The following POC1B variants were observed in gnomAD, a reference collection of about 807,000 sequenced individuals.
POC1B encodes POC1 centriolar protein homolog B.
A neutral mutation model predicts 60.6 loss-of-function variants in POC1B; 44 were observed. That is an observed-to-expected ratio of 0.73 (90% confidence interval 0.57 to 0.93). The LOEUF is 0.93. Ranked by LOEUF, POC1B falls within the 40% of genes least tolerant of loss-of-function variation. The probability of loss-of-function intolerance (pLI) is 0.00; values close to 1 mark genes in which losing one functional copy is unlikely to be tolerated. For synonymous variants in POC1B, 180 were observed against 198.9 expected (o/e 0.90, Z 0.80); for missense variants, 555 against 572.3 (o/e 0.97, Z 0.31).
chr12:89,489,982 G>A (rs1868866946), intron 4 of POC1B, among the ~76,000 whole-genome samples: 3 of 152,208 alleles, frequency 2.0e-5, no homozygotes, highest in South Asian at 4.1e-4. Context: ...GGAGCTGGGA[G>A]TAAAGAAGCT....
chr12:89,464,968 G>A (rs1181144887), intron 9 of POC1B, among the ~76,000 whole-genome samples: 1 of 152,050 alleles, frequency 6.6e-6, no homozygotes, highest in African/African-American at 2.4e-5. Context: ...AATTTAAACT[G>A]TGTACACAGA....
At chr12:89,487,222 T>C (rs1868685848) in intron 4 of POC1B, among the ~76,000 whole-genome samples, 1 of 152,124 alleles carries the variant, frequency 6.6e-6, no homozygotes, top group Non-Finnish European at 1.5e-5. Context: ...GACTGTCCGC[T>C]CTGGAACTGG....
intron 2 of POC1B, among the ~76,000 whole-genome samples, chr12:89,507,406 G>A (rs1869960693): frequency 1.3e-5 from 2 of 151,074 alleles, no homozygotes. Context: ...GGTTATTGAT[G>A]TCAGTGTTGT....
chr12:89,503,792 C>T (rs1869738720), intron 2 of POC1B, among the ~76,000 whole-genome samples: 1 of 140,556 alleles, frequency 7.1e-6, no homozygotes, highest in East Asian at 2.2e-4. Flanking sequence ...GTGAGGAGCC[C>T]CTCCGCCCGG....
At chr12:89,525,492 C>T in intron 1 of POC1B, 7 of 1,321,040 alleles carry the variant, frequency 5.3e-6, no homozygotes, top group Non-Finnish European at 5.8e-6. Flanking sequence ...ATGCACGTTC[C>T]CGGGCCCCGC....
intron 3 of POC1B, among the ~76,000 whole-genome samples, chr12:89,495,593 A>T (rs1182980431): frequency 2.0e-5 from 3 of 152,148 alleles, no homozygotes; most frequent in African/African-American, 7.2e-5. Flanking sequence ...TCAAGGAAAT[A>T]CTCAAATTCT....
At chr12:89,484,003 G>A (rs993423195) in intron 4 of POC1B, among the ~76,000 whole-genome samples, 1 of 152,196 alleles carries the variant, frequency 6.6e-6, no homozygotes, top group Non-Finnish European at 1.5e-5. Flanking sequence ...AAATGGTCAA[G>A]AAGTAAATGG....
chr12:89,432,334 C>T lies in POC1B; in HGVS notation c.1114-6955G>A, dbSNP rs189924326. On this transcript the variant is annotated intron_variant, in intron 10 of 11. Coordinates refer to ENST00000313546, the MANE Select transcript of POC1B (RefSeq NM_172240.3). ...CTGGGAGGTGGAGGTTGCAGTGAGCCCAGATCGAGCCACTGTACTTCCAGC... is the reference window on the plus strand; with the variant it reads ...CTGGGAGGTGGAGGTTGCAGTGAGCTCAGATCGAGCCACTGTACTTCCAGC... Among the ~76,000 whole-genome samples the T allele has an allele frequency of 5.6e-4, 76 of 136,314 alleles. No individual in the cohort carries two copies. The East Asian group carries it at 0.013, about 24-fold the overall frequency. The allele number at this position is 136,314 out of a possible 152,430, so 89.4% of individuals were successfully genotyped here.
chr12:89,426,975 C>T (rs1158140923), intron 10 of POC1B: 2 of 152,070 alleles, frequency 1.3e-5, no homozygotes, highest in Non-Finnish European at 2.9e-5. Flanking sequence ...CAATACTCCC[C>T]ACATTGATAT....
intron 2 of POC1B, chr12:89,524,329 A>G (rs372511877): frequency 5.8e-5 from 93 of 1,613,966 alleles, no homozygotes; most frequent in Non-Finnish European, 6.9e-5. Context: ...CCACTCCCCA[A>G]GTGCACGGGA....
At chr12:89,407,335 C>T in the POC1B span, among the ~76,000 whole-genome samples, 2 of 151,702 alleles carry the variant, frequency 1.3e-5, no homozygotes, top group South Asian at 2.1e-4. Context: ...CGGGTTCAAG[C>T]GATTCTTCTG....
In POC1B at chr12:89,525,909, G is replaced by A. The variant is rs1179395802; in HGVS notation, c.-14C>T. On this transcript the variant is annotated 5_prime_UTR_variant, in exon 1 of 12. Transcript: ENST00000313546. Reference sequence around the variant, plus strand: ...GGCTGAGGCCATCGGGGGAGTGGTCGGCCCAAGGCTCCTGTGGGTGGGGGA... The same window carrying A: ...GGCTGAGGCCATCGGGGGAGTGGTCAGCCCAAGGCTCCTGTGGGTGGGGGA... 3 of 1,486,024 alleles carry A rather than the reference G, an allele frequency of 2.0e-6. No individual in the cohort carries two copies. The highest frequency in any genetic ancestry group is 1.4e-5 in the African/African-American group (1 of 71,272). The allele number at this position is 1,486,024 out of a possible 1,614,324, so 92.1% of individuals were successfully genotyped here. A position where few individuals can be genotyped will look rare whatever the true frequency, so the allele number is the denominator to read the frequency against.
rs181901702 is a variant in POC1B at position 89,498,490 on chromosome 12, T to C, written c.101-1148A>G. ...TGTAATGTTATAAATTCGAACACAATTAGTATCACTGTTAGAGAAACATAG... is the reference window on the plus strand; with the variant it reads ...TGTAATGTTATAAATTCGAACACAACTAGTATCACTGTTAGAGAAACATAG... On this transcript the variant is annotated intron_variant, in intron 2 of 11. Coordinates refer to ENST00000313546, the MANE Select transcript of POC1B (RefSeq NM_172240.3). Among the ~76,000 whole-genome samples the C allele has an allele frequency of 4.2e-3, 638 of 152,288 alleles. 9 individuals carry two copies. Among genetic ancestry groups the C allele is most frequent in the African/African-American group, 0.014 (598 of 41,560 alleles).
chr12:89,524,486 A>T, intron 2 of POC1B: 1 of 1,613,326 alleles, frequency 6.2e-7, no homozygotes, highest in South Asian at 1.1e-5. Flanking sequence ...ACGAAGATAT[A>T]GGCCACTGTT....
At chr12:89,431,144 G>A (rs192416359) in intron 10 of POC1B, among the ~76,000 whole-genome samples, 2 of 152,018 alleles carry the variant, frequency 1.3e-5, no homozygotes, top group East Asian at 3.9e-4. Context: ...AAGATAATCA[G>A]TGACTTGAAC....
At chr12:89,504,924 A>C (rs1869824410) in intron 2 of POC1B, among the ~76,000 whole-genome samples, 3 of 152,134 alleles carry the variant, frequency 2.0e-5, no homozygotes, top group Admixed American at 2.0e-4. Context: ...GGGCAACATA[A>C]TGAGACTCCA....
intron 4 of POC1B, among the ~76,000 whole-genome samples, chr12:89,484,100 T>C (rs746492185): frequency 5.9e-5 from 9 of 152,328 alleles, no homozygotes; most frequent in Middle Eastern, 3.4e-3. Context: ...AGGATACATA[T>C]TGTAATCTCT....
chr12:89,440,073 C>G (rs1881448649), intron 10 of POC1B, among the ~76,000 whole-genome samples: 1 of 152,212 alleles, frequency 6.6e-6, no homozygotes, highest in South Asian at 2.1e-4. Flanking sequence ...CCAGCTCCTA[C>G]CTAGTGTCCG....
downstream of POC1B, among the ~76,000 whole-genome samples, chr12:89,416,094 T>C (rs1592785037): frequency 6.6e-6 from 1 of 152,230 alleles, no homozygotes; most frequent in East Asian, 1.9e-4. Flanking sequence ...AACGAATTGT[T>C]GAGCTCCTCC....
Sources: allele counts gnomAD v4.1 joint callset (sites outside exome capture counted in the v4.1 genomes callset), GRCh38; gene constraint gnomAD v4.1.1; transcripts MANE v1.5; gene names NCBI Gene and HGNC (gene_info 2026-07-23, HGNC 2026-07-21).